The following SCHIP1 variants were observed in gnomAD, a reference collection of about 807,000 sequenced individuals.
SCHIP1 encodes schwannomin-interacting protein 1.
Under a neutral mutation model 29.7 loss-of-function variants are expected in SCHIP1, and 8 were observed. The ratio of observed to expected loss-of-function variants is 0.27; its 90% confidence interval spans 0.16 to 0.49. SCHIP1 has a LOEUF of 0.49. Among genes scored for constraint, SCHIP1 ranks in the 20% least tolerant of loss-of-function variants. The pLI, the probability that SCHIP1 is intolerant of heterozygous loss-of-function variation, is 0.99. For missense variants in SCHIP1, 193 were observed against 294.6 expected, an observed-to-expected ratio of 0.66 and a Z score of 2.52; for synonymous variants, 76 against 94.9, an observed-to-expected ratio of 0.80 and a Z score of 1.16.
chr3:159,497,007 A>C, the SCHIP1 span, among the ~76,000 whole-genome samples: 1 of 152,178 alleles, frequency 6.6e-6, no homozygotes, highest in Non-Finnish European at 1.5e-5. Flanking sequence ...TCGCAAGGAC[A>C]AAAAGCCAAA....
At chr3:159,724,063 T>C in the SCHIP1 span, among the ~76,000 whole-genome samples, 4 of 152,042 alleles carry the variant, frequency 2.6e-5, no homozygotes, top group African/African-American at 4.8e-5. Context: ...AGTTCCTGTA[T>C]TTTTTCCAAT....
At chr3:159,575,197 G>T in the SCHIP1 span, among the ~76,000 whole-genome samples, 7 of 152,258 alleles carry the variant, frequency 4.6e-5, no homozygotes, top group African/African-American at 1.7e-4. Flanking sequence ...ATCACGCTGC[G>T]ATCTGCAGAC....
chr3:159,392,185 G>A, the SCHIP1 span, among the ~76,000 whole-genome samples: 347 of 152,270 alleles, frequency 2.3e-3, 1 homozygote, highest in African/African-American at 7.8e-3. Context: ...CACAAGCAGA[G>A]TCATTTCTGA....
the SCHIP1 span, among the ~76,000 whole-genome samples, chr3:159,383,051 G>T: frequency 6.7e-6 from 1 of 149,804 alleles, no homozygotes; most frequent in African/African-American, 2.5e-5. Context: ...CTCCCATTTT[G>T]TAGGTTGCCT....
At chr3:159,892,575 T>G in intron 6 of SCHIP1, 8 of 365,134 alleles carry the variant, frequency 2.2e-5, no homozygotes, top group East Asian at 4.9e-5. Flanking sequence ...GCACAAGCTC[T>G]TGTATGATCC....
At chr3:159,573,901 C>T in the SCHIP1 span, among the ~76,000 whole-genome samples, 3 of 152,198 alleles carry the variant, frequency 2.0e-5, no homozygotes, top group African/African-American at 7.2e-5. Flanking sequence ...TTGATCAAAT[C>T]GGCTATTAAA....
chr3:159,623,003 G>A, the SCHIP1 span, among the ~76,000 whole-genome samples: 1 of 152,158 alleles, frequency 6.6e-6, no homozygotes, highest in Non-Finnish European at 1.5e-5. Context: ...ATTCAAAAAT[G>A]TTTGTTGTAG....
At chr3:159,595,180 C>G in the SCHIP1 span, among the ~76,000 whole-genome samples, 1 of 152,278 alleles carries the variant, frequency 6.6e-6, no homozygotes, top group Non-Finnish European at 1.5e-5. Flanking sequence ...CTTCTGCTAG[C>G]AAACACAGAG....
the SCHIP1 span, among the ~76,000 whole-genome samples, chr3:159,573,029 T>G: frequency 6.6e-6 from 1 of 152,020 alleles, no homozygotes; most frequent in South Asian, 2.1e-4. Context: ...ATGGGTCTCC[T>G]GCACACAACA....
chr3:159,702,750 T>C, the SCHIP1 span, among the ~76,000 whole-genome samples: 1 of 152,248 alleles, frequency 6.6e-6, no homozygotes, highest in Non-Finnish European at 1.5e-5. Flanking sequence ...GAAAGTGCAA[T>C]TGTACTCATG....
chr3:159,410,747 C>A, the SCHIP1 span, among the ~76,000 whole-genome samples: 1 of 152,032 alleles, frequency 6.6e-6, no homozygotes, highest in African/African-American at 2.4e-5. Context: ...ATAGAGCTAC[C>A]ATATGATCCA....
the SCHIP1 span, among the ~76,000 whole-genome samples, chr3:159,592,187 C>A: frequency 2.0e-5 from 3 of 152,054 alleles, no homozygotes; most frequent in Non-Finnish European, 4.4e-5. Flanking sequence ...GAAATGGGAT[C>A]TTTTTATCCC....
At chr3:159,511,233 G>A in the SCHIP1 span, among the ~76,000 whole-genome samples, 4 of 152,246 alleles carry the variant, frequency 2.6e-5, no homozygotes, top group Non-Finnish European at 4.4e-5. Context: ...TGCTAGCAAT[G>A]AGCGAGGCTC....
At chr3:159,278,518 C>T in the SCHIP1 span, among the ~76,000 whole-genome samples, 1 of 152,284 alleles carries the variant, frequency 6.6e-6, no homozygotes, top group Non-Finnish European at 1.5e-5. Flanking sequence ...TTCTATGATT[C>T]TATTTAGGAC....
At chr3:159,795,817 A>C in the SCHIP1 span, among the ~76,000 whole-genome samples, 8 of 152,326 alleles carry the variant, frequency 5.3e-5, no homozygotes, top group African/African-American at 1.2e-4. Context: ...TCTGGGGACC[A>C]TATGGCCATG....
the SCHIP1 span, among the ~76,000 whole-genome samples, chr3:159,330,280 T>C: frequency 3.9e-5 from 6 of 152,176 alleles, 1 homozygote; most frequent in Non-Finnish European, 5.9e-5. Context: ...AGAAATGTAA[T>C]TGGAGAGATG....
At chr3:159,685,612 C>A in the SCHIP1 span, among the ~76,000 whole-genome samples, 2 of 152,180 alleles carry the variant, frequency 1.3e-5, no homozygotes, top group African/African-American at 2.4e-5. Flanking sequence ...ATTTACCCAA[C>A]AATTTATTTT....
At chr3:159,374,009 T>C in the SCHIP1 span, among the ~76,000 whole-genome samples, 1 of 152,208 alleles carries the variant, frequency 6.6e-6, no homozygotes, top group Admixed American at 6.5e-5. Flanking sequence ...CAGTTTTCCA[T>C]AATGGCTGTA....
chr3:159,460,169 C>T, the SCHIP1 span, among the ~76,000 whole-genome samples: 3 of 152,202 alleles, frequency 2.0e-5, no homozygotes, highest in African/African-American at 4.8e-5. Context: ...CAAGAGGAAG[C>T]TTCTAGTAGC....
Sources: gnomAD v4.1 joint callset for allele counts (sites outside exome capture counted in the v4.1 genomes callset) on GRCh38, gnomAD v4.1.1 for gene constraint, MANE v1.5 for transcripts, NCBI Gene and HGNC (gene_info 2026-07-23, HGNC 2026-07-21) for gene names.